FBXO10: variants seen among roughly 807,000 people sequenced by gnomAD.
The protein encoded by FBXO10 is F-box only protein 10.
In FBXO10, 39 loss-of-function variants were observed where a neutral mutation model predicts 80.7. The observed-to-expected ratio is 0.48, with a 90% confidence interval of 0.37 to 0.63. FBXO10 has a LOEUF of 0.63. Ranked by LOEUF, FBXO10 falls within the 30% of genes least tolerant of loss-of-function variation. The pLI is 0.00. For synonymous variants in FBXO10, 449 were observed against 489.6 expected (o/e 0.92, Z 1.09); for missense variants, 1,025 against 1,269.0 (o/e 0.81, Z 2.92).
intron 1 of FBXO10, among the ~76,000 whole-genome samples, chr9:37,567,138 TTC>T (rs1822627242): frequency 6.7e-6 from 1 of 148,730 alleles, no homozygotes; most frequent in Non-Finnish European, 1.5e-5. Flanking sequence ...TCTTTTTTTT[TTC>T]TTTTTTTCTT....
At chr9:37,555,180 T>C (rs527371999) in intron 1 of FBXO10, among the ~76,000 whole-genome samples, 1 of 151,988 alleles carries the variant, frequency 6.6e-6, no homozygotes, top group African/African-American at 2.4e-5. Context: ...CCTCCCAAAG[T>C]GCTGGGACTA....
intron 1 of FBXO10, among the ~76,000 whole-genome samples, chr9:37,550,169 G>GT (rs74171511): frequency 0.03 from 1,996 of 67,560 alleles, 492 homozygotes; most frequent in East Asian, 0.082. Context: ...GTCGTCTCAG[G>GT]TTTTTTTTTT....
At chr9:37,566,373 G>C (rs931326459) in intron 1 of FBXO10, among the ~76,000 whole-genome samples, 1 of 151,240 alleles carries the variant, frequency 6.6e-6, no homozygotes, top group African/African-American at 2.4e-5. Context: ...GCAGAGAATC[G>C]CTTGAACCTG....
intron 6 of FBXO10, 43 bp from the exon 7 acceptor site, chr9:37,523,020 G>A (rs1373807001): frequency 1.3e-6 from 2 of 1,565,362 alleles, no homozygotes; most frequent in Non-Finnish European, 1.7e-6. Context: ...CCAAGGGCCA[G>A]CTCCAGTGCT....
chr9:37,538,973 C>T (rs1291626374), intron 2 of FBXO10, among the ~76,000 whole-genome samples: 3 of 152,050 alleles, frequency 2.0e-5, no homozygotes, highest in East Asian at 3.9e-4. Flanking sequence ...TCATTTGGGC[C>T]CCTTGGCTCT....
At chr9:37,553,329 G>A (rs112520961) in intron 1 of FBXO10, among the ~76,000 whole-genome samples, 1,841 of 152,086 alleles carry the variant, frequency 0.012, 52 homozygotes, top group African/African-American at 0.041. Context: ...GTGAGCCACC[G>A]CGCCCGGCCA....
chr9:37,514,715 T>G (rs1821141247), intron 10 of FBXO10, among the ~76,000 whole-genome samples: 1 of 151,902 alleles, frequency 6.6e-6, no homozygotes, highest in Admixed American at 6.6e-5. Flanking sequence ...GCGCCTGTAA[T>G]CCCAGCTGCT....
intron 5 of FBXO10, among the ~76,000 whole-genome samples, chr9:37,526,367 A>C (rs760561481): frequency 1.3e-5 from 2 of 152,328 alleles, no homozygotes; most frequent in South Asian, 4.1e-4. Flanking sequence ...CCAGACTCTT[A>C]TCTCTCATTG....
intron 1 of FBXO10, among the ~76,000 whole-genome samples, chr9:37,548,682 A>G (rs1030575300): frequency 6.6e-6 from 1 of 151,664 alleles, no homozygotes; most frequent in African/African-American, 2.4e-5. Context: ...AATCTCTCCT[A>G]TGATTACTTT....
At chr9:37,558,056 G>C (rs1822380414) in intron 1 of FBXO10, among the ~76,000 whole-genome samples, 1 of 152,178 alleles carries the variant, frequency 6.6e-6, no homozygotes, top group Non-Finnish European at 1.5e-5. Flanking sequence ...GGCTGCTCTT[G>C]ATTTCTGAGC....
intron 3 of FBXO10, among the ~76,000 whole-genome samples, chr9:37,534,706 C>T (rs145690286): frequency 2.0e-5 from 3 of 152,196 alleles, no homozygotes; most frequent in African/African-American, 2.4e-5. Flanking sequence ...GGAGACAGCA[C>T]CCTCCTGACG....
At chr9:37,561,210 C>T (rs1051306439) in intron 1 of FBXO10, among the ~76,000 whole-genome samples, 1 of 144,988 alleles carries the variant, frequency 6.9e-6, no homozygotes, top group Non-Finnish European at 1.5e-5. Context: ...AGTGAGGTCT[C>T]TCTGTGTTGC....
intron 1 of FBXO10, among the ~76,000 whole-genome samples, chr9:37,547,975 G>A (rs1170528001): frequency 2.0e-5 from 3 of 151,590 alleles, no homozygotes; most frequent in Admixed American, 1.3e-4. Context: ...ACAATACAAC[G>A]GTGCTTGCCA....
chr9:37,560,440 T>C (rs1413021249), intron 1 of FBXO10, among the ~76,000 whole-genome samples: 2 of 152,000 alleles, frequency 1.3e-5, no homozygotes, highest in African/African-American at 2.4e-5. Context: ...TCAGCATTTG[T>C]TTTCCCCCAA....
rs771385669 is a variant in FBXO10 at position 37,541,592 on chromosome 9, A to G, written c.177T>C (p.Asn59=). 7 of 1,613,806 alleles carry G rather than the reference A, an allele frequency of 4.3e-6. No homozygotes were observed. The highest frequency in any genetic ancestry group is 5.1e-6 in the Non-Finnish European group (6 of 1,179,808). The change falls in exon 2 of 11, where the codon AAT becomes AAC. Residue 59 remains asparagine, a synonymous_variant. Transcript: ENST00000432825. The part of the protein sequence containing the change: ...CLGCTECRHP[N]WPNQPDVEPE... ...GCTCCACATCTGGCTGGTTGGGCCA[A>G]TTGGGATGGCGGCACTCGGTGCAAC...
At chr9:37,544,185 C>A (rs1357181255) in intron 1 of FBXO10, among the ~76,000 whole-genome samples, 8 of 152,158 alleles carry the variant, frequency 5.3e-5, no homozygotes, top group African/African-American at 1.9e-4. Flanking sequence ...AGGAGAATTG[C>A]TTGAACCTGG....
intron 1 of FBXO10, among the ~76,000 whole-genome samples, chr9:37,544,941 C>T (rs1362206932): frequency 2.0e-4 from 27 of 135,306 alleles, no homozygotes; most frequent in Non-Finnish European, 7.6e-5. Flanking sequence ...TTGCAGTGAG[C>T]GGAGATCGCG....
chr9:37,552,480 G>A (rs565975297), intron 1 of FBXO10, among the ~76,000 whole-genome samples: 27 of 152,174 alleles, frequency 1.8e-4, no homozygotes, highest in African/African-American at 6.0e-4. Context: ...TCAGGAGATC[G>A]AGACCATCCT....
intron 5 of FBXO10, among the ~76,000 whole-genome samples, chr9:37,528,616 C>G (rs1821535370): frequency 6.6e-6 from 1 of 152,164 alleles, no homozygotes; most frequent in Non-Finnish European, 1.5e-5. Context: ...ACCACTCTGA[C>G]AGCATTTATC....
Sources: allele counts gnomAD v4.1 joint callset (sites outside exome capture counted in the v4.1 genomes callset), GRCh38; gene constraint gnomAD v4.1.1; transcripts MANE v1.5; gene names NCBI Gene and HGNC (gene_info 2026-07-23, HGNC 2026-07-21).